PGK1: variants seen among roughly 807,000 people sequenced by gnomAD.
PGK1 encodes PRP 2.
A neutral mutation model predicts 26.9 loss-of-function variants in PGK1; 3 were observed. That is an observed-to-expected ratio of 0.11 (90% CI 0.05 to 0.29). The LOEUF (loss-of-function observed/expected upper bound fraction) is 0.29, where lower values mean the gene tolerates loss of function less well. Ranked by LOEUF, PGK1 falls within the 10% of genes least tolerant of loss-of-function variation. The pLI is 1.00. For missense variants in PGK1, 270 were observed against 314.7 expected (o/e 0.86, Z 1.07); for synonymous variants, 125 against 115.3 (o/e 1.08, Z -0.54).
At chrX:78,116,538 T>C (rs1450911823) in intron 4 of PGK1, among the ~76,000 whole-genome samples, 1 of 112,104 alleles carries the variant, frequency 8.9e-6, no homozygotes, top group African/African-American at 3.2e-5. Context: ...TACTCTTCTG[T>C]GTCCTGTCCC....
In PGK1 at chrX:78,114,214, A is replaced by G. The variant is rs2078315572; in HGVS notation, c.417+54A>G. The G allele has an allele frequency of 2.7e-6, 3 of 1,106,666 alleles. No homozygotes were observed. In the Admixed American group the frequency reaches 6.5e-5, roughly 24 times the overall value. The allele number at this position is 1,106,666 out of a possible 1,213,427, so 91.2% of individuals were successfully genotyped here. On this transcript the variant is annotated intron_variant, in intron 4 of 10. Coordinates refer to ENST00000373316, the MANE Select transcript of PGK1 (RefSeq NM_000291.4). ...GGGTGAGGGCCTGAGTCTGTAAGAG[A>G]CTGTGGTTGAAGAATAGAGAAAGCT...
At chrX:78,118,710 G>A (rs2078338754) in intron 6 of PGK1, among the ~76,000 whole-genome samples, 1 of 111,940 alleles carries the variant, frequency 8.9e-6, no homozygotes, top group Non-Finnish European at 1.9e-5. Context: ...CCATTTCTAT[G>A]CCTGAAGGGA....
chrX:78,110,164 T>A (rs899533089), intron 2 of PGK1, among the ~76,000 whole-genome samples: 1 of 110,669 alleles, frequency 9.0e-6, no homozygotes, highest in Non-Finnish European at 1.9e-5. Flanking sequence ...GTTCATTTTC[T>A]TTTTTTGAGA....
chrX:78,105,837 A>G (rs897738356), intron 1 of PGK1, among the ~76,000 whole-genome samples: 1 of 111,996 alleles, frequency 8.9e-6, no homozygotes, highest in African/African-American at 3.2e-5. Flanking sequence ...TGTTAGTACT[A>G]GAGGAGTGCC....
At chrX:78,109,763 T>G (rs2149130263) in intron 1 of PGK1, 104 bp from the exon 2 acceptor site, 536 of 598,276 alleles carry the variant, frequency 9.0e-4, no homozygotes, top group Non-Finnish European at 1.1e-3. Flanking sequence ...ATTTTTAAGA[T>G]GAGATTTGAA....
chrX:78,127,998 C>A lies in PGK1; in HGVS notation c.*2168C>A, dbSNP rs1316547756. On this transcript the variant is annotated 3_prime_UTR_variant, in exon 11 of 11. Coordinates refer to ENST00000373316, the MANE Select transcript of PGK1 (RefSeq NM_000291.4). ...ACAATTGCCAACATTATCTATCCAA[C>A]AATCTCTGACTGTACCTTTTAAGTA... 5 of 112,297 alleles carry A rather than the reference C, an allele frequency of 4.5e-5. No homozygotes were observed. Among genetic ancestry groups the A allele is most frequent in the Admixed American group, 9.4e-5 (1 of 10,614 alleles). 9.3% of individuals were successfully genotyped at this position (112,297 alleles called of 1,213,427 possible).
intron 10 of PGK1, 134 bp from the exon 11 acceptor site, chrX:78,125,656 T>A: frequency 1.6e-6 from 1 of 639,597 alleles, no homozygotes; most frequent in African/African-American, 2.1e-5. Flanking sequence ...ATCCACAATG[T>A]AAAAGTTGGC....
intron 8 of PGK1, among the ~76,000 whole-genome samples, chrX:78,123,850 ACCTGCT>A (rs1366558503): frequency 9.0e-6 from 1 of 110,542 alleles, no homozygotes; most frequent in Non-Finnish European, 1.9e-5. Flanking sequence ...CTCATGATCC[ACCTGCT>A]GCGGCCTCCC....
At chrX:78,110,877 A>G (rs2078297297) in intron 2 of PGK1, among the ~76,000 whole-genome samples, 1 of 110,480 alleles carries the variant, frequency 9.1e-6, no homozygotes. Flanking sequence ...TTCAGAAACA[A>G]ATTTTAAGTG....
At chrX:78,109,237 G>T (rs1342594435) in intron 1 of PGK1, among the ~76,000 whole-genome samples, 1 of 111,718 alleles carries the variant, frequency 9.0e-6, no homozygotes, top group Non-Finnish European at 1.9e-5. Context: ...GTCTTATGTT[G>T]TGTGTATTGC....
chrX:78,105,880 G>T (rs782602776), intron 1 of PGK1, among the ~76,000 whole-genome samples: 15 of 111,687 alleles, frequency 1.3e-4, no homozygotes, highest in South Asian at 7.4e-4. Flanking sequence ...TAAAAAAAGG[G>T]GATAGACCCT....
chrX:78,110,312 C>T (rs969840615), intron 2 of PGK1, among the ~76,000 whole-genome samples: 3 of 108,614 alleles, frequency 2.8e-5, no homozygotes, highest in Non-Finnish European at 3.8e-5. Context: ...ACCACTACAC[C>T]TGGTTAAATT....
intron 10 of PGK1, 87 bp downstream of exon 10, chrX:78,125,512 A>G: frequency 1.5e-6 from 1 of 649,534 alleles, no homozygotes; most frequent in Non-Finnish European, 2.5e-6. Context: ...GAAAGTTAGA[A>G]GGTAGTGTTG....
At chrX:78,122,463 G>A (rs141646000) in intron 6 of PGK1, among the ~76,000 whole-genome samples, 2,636 of 104,817 alleles carry the variant, frequency 0.025, 41 homozygotes, top group Non-Finnish European at 0.039. Flanking sequence ...TGGGGAATGT[G>A]CAAAATAGAT....
chrX:78,111,773 C>T (rs1283907352), intron 2 of PGK1, among the ~76,000 whole-genome samples: 2 of 111,766 alleles, frequency 1.8e-5, no homozygotes, highest in Non-Finnish European at 3.8e-5. Context: ...TTGTGCAACA[C>T]ACAGAAACGA....
intron 6 of PGK1, among the ~76,000 whole-genome samples, chrX:78,120,262 T>G (rs1333990368): frequency 9.0e-6 from 1 of 111,323 alleles, no homozygotes; most frequent in African/African-American, 3.3e-5. Context: ...TTACCCTGTT[T>G]CAACAATTAA....
intron 2 of PGK1, among the ~76,000 whole-genome samples, chrX:78,110,983 T>TA (rs2078298081): frequency 1.6e-4 from 11 of 70,680 alleles, no homozygotes; most frequent in Admixed American, 1.2e-3. Context: ...TTTGTAGATT[T>TA]TATATATATA....
intron 1 of PGK1, among the ~76,000 whole-genome samples, chrX:78,109,410 T>C (rs144167007): frequency 5.4e-5 from 6 of 111,507 alleles, no homozygotes; most frequent in Admixed American, 2.9e-4. Context: ...TTCCTTATTA[T>C]TCCTCACCCC....
intron 2 of PGK1, among the ~76,000 whole-genome samples, chrX:78,112,015 A>G (rs1417248230): frequency 8.9e-6 from 1 of 112,099 alleles, no homozygotes; most frequent in African/African-American, 3.2e-5. Flanking sequence ...TATTAATAAC[A>G]TAAGATATTT....
Sources: allele counts gnomAD v4.1 joint callset (sites outside exome capture counted in the v4.1 genomes callset), GRCh38; gene constraint gnomAD v4.1.1; transcripts MANE v1.5; gene names NCBI Gene and HGNC (gene_info 2026-07-23, HGNC 2026-07-21).